The following FBN2 variants were observed in gnomAD, a reference collection of about 807,000 sequenced individuals.
FBN2 encodes fibrillin 2, also known as fibrillin-2.
A neutral mutation model predicts 355.6 loss-of-function variants in FBN2; 105 were observed. That is an observed-to-expected ratio of 0.30 (90% confidence interval 0.25 to 0.35). The LOEUF (loss-of-function observed/expected upper bound fraction) is 0.35, where lower values mean the gene tolerates loss of function less well. Among genes scored for constraint, FBN2 ranks in the 10% least tolerant of loss-of-function variants. FBN2 has a pLI of 1.00. For missense variants in FBN2, 3,280 were observed against 3,758.7 expected (o/e 0.87, Z 3.33); for synonymous variants, 1,350 against 1,301.2 (o/e 1.04, Z -0.81).
chr5:128,448,252 T>G (rs1411664802), intron 6 of FBN2, among the ~76,000 whole-genome samples: 1 of 151,906 alleles, frequency 6.6e-6, no homozygotes, highest in Non-Finnish European at 1.5e-5. Flanking sequence ...TGAAGACTCC[T>G]GCATTTCTTC....
chr5:128,433,735 G>C lies in FBN2; in HGVS notation c.952+12746C>G, dbSNP rs187091999. 3.7e-3 allele frequency among the ~76,000 whole-genome samples: 557 copies of C among 152,298 alleles called. 3 individuals are homozygous for C. The highest frequency in any genetic ancestry group is 0.014 in the South Asian group (70 of 4,828). On this transcript the variant is annotated intron_variant, in intron 7 of 64. Transcript: ENST00000262464. ...AATTTTCCTCTGCCGTTCACCAAAA[G>C]GCACAAACCTGCAACCCAACCCTTC...
Position 128,374,687 on chromosome 5 carries a change from G to A in FBN2, c.2036C>T (p.Ser679Phe), listed in dbSNP as rs760483684. The A allele has an allele frequency of 1.3e-5, 21 of 1,613,970 alleles. 1 individual carries two copies. Among genetic ancestry groups the A allele is most frequent in the Middle Eastern group, 1.7e-4 (1 of 6,060 alleles). Residue 679 changes from serine (S) to phenylalanine (F), a missense_variant, in exon 15 of 65, where the codon TCC becomes TTC. By Grantham distance (155) the Ser-to-Phe change is radical. Transcript: ENST00000262464. ...GCCTGGGGGACAGTCACAGCGGAAG[G>A]ACCCTTCACTGTTGATGCAGTGCCC... is the stretch of plus-strand genomic sequence containing the variant. Reference protein sequence around the residue: ...MNGHCINSEGSFRCDCPPGLA... With the variant: ...MNGHCINSEGFFRCDCPPGLA...
At chr5:128,263,114 G>A (rs576792428) in intron 63 of FBN2, among the ~76,000 whole-genome samples, 10 of 152,294 alleles carry the variant, frequency 6.6e-5, no homozygotes, top group South Asian at 4.1e-4. Context: ...CGTGTGAGCC[G>A]CATTTTTAAG....
At chr5:128,472,126 G>C (rs559176780) in intron 5 of FBN2, among the ~76,000 whole-genome samples, 1 of 152,306 alleles carries the variant, frequency 6.6e-6, no homozygotes, top group African/African-American at 2.4e-5. Flanking sequence ...TCCACTGACA[G>C]ATGAATAGAT....
In FBN2 at chr5:128,335,134, T is replaced by G. The variant is rs772412251; in HGVS notation, c.3973+36A>C. On this transcript the variant is annotated intron_variant, in intron 30 of 64. Transcript: ENST00000262464. ...GTGCATGTGGGTGTGTGTGCATGTG[T>G]GTGTATAAATGTTTATCCTTTCTTA... The G allele has an allele frequency of 1.4e-5, 22 of 1,613,538 alleles. No homozygotes were observed. In the East Asian group the frequency reaches 4.9e-4, roughly 36 times the overall value.
At position 128,278,839 on chromosome 5, in the gene FBN2, T is replaced by G; in HGVS notation, c.7141A>C (p.Asn2381His). The G allele has an allele frequency of 6.2e-7, 1 of 1,613,108 alleles. No homozygotes were observed. Among genetic ancestry groups the G allele is most frequent in the Non-Finnish European group, 8.5e-7 (1 of 1,179,598 alleles). Residue 2381 changes from asparagine to histidine, a missense_variant and splice_region_variant, in exon 57 of 65, where the codon AAT becomes CAT. Asn to His is a moderately conservative substitution (Grantham distance 68). Coordinates refer to ENST00000262464, the MANE Select transcript of FBN2 (RefSeq NM_001999.4). Reference sequence around the variant, plus strand: ...TCTGCAAAGCAGAGACCCTGTCGATTGTCTGAAATGGCAAAGTAGAAAGAG... The same window carrying G: ...TCTGCAAAGCAGAGACCCTGTCGATGGTCTGAAATGGCAAAGTAGAAAGAG... ...SSSSGTECLD[N>H]RQGLCFAEVL... is the part of the protein sequence containing the mutation.
chr5:128,291,040 C>T (rs572790152), intron 49 of FBN2, among the ~76,000 whole-genome samples, 156 bp from the exon 50 acceptor site: 4 of 152,062 alleles, frequency 2.6e-5, no homozygotes, highest in South Asian at 2.1e-4. Flanking sequence ...TTTAGACTGA[C>T]CTGGCTATAA....
chr5:128,368,437 C>CATATATATACATATATATACACAT (rs1215643724), intron 16 of FBN2, among the ~76,000 whole-genome samples: 1 of 97,726 alleles, frequency 1.0e-5, no homozygotes, highest in Non-Finnish European at 2.1e-5. Flanking sequence ...TATATATACA[C>CATATATATACATATATATACACAT]ATATATACAT....
chr5:128,315,335 C>T (rs1340255260), intron 36 of FBN2, among the ~76,000 whole-genome samples: 1 of 152,086 alleles, frequency 6.6e-6, no homozygotes, highest in Non-Finnish European at 1.5e-5. Context: ...CTGAATGCAA[C>T]TAATTGCTTA....
chr5:128,416,783 GT>G (rs1461147510), intron 7 of FBN2, among the ~76,000 whole-genome samples: 1 of 152,132 alleles, frequency 6.6e-6, no homozygotes, highest in Non-Finnish European at 1.5e-5. Flanking sequence ...GTATCATGCT[GT>G]TTTGGTTACT....
chr5:128,509,428 A>T (rs1017430801), intron 5 of FBN2, among the ~76,000 whole-genome samples: 1 of 152,166 alleles, frequency 6.6e-6, no homozygotes, highest in Non-Finnish European at 1.5e-5. Context: ...TAGAAGTTCA[A>T]TTTGGATTCC....
intron 7 of FBN2, among the ~76,000 whole-genome samples, chr5:128,444,961 C>A (rs1181493898): frequency 1.3e-5 from 2 of 151,984 alleles, no homozygotes; most frequent in Non-Finnish European, 2.9e-5. Context: ...TTGAGCAACA[C>A]AATCAACTTA....
intron 19 of FBN2, among the ~76,000 whole-genome samples, chr5:128,359,035 T>C (rs1416486360): frequency 6.6e-6 from 1 of 152,044 alleles, no homozygotes; most frequent in Non-Finnish European, 1.5e-5. Flanking sequence ...TGGTTTACAT[T>C]TAACTAGTTA....
At chr5:128,311,265 A>G (rs1234311482) in intron 39 of FBN2, 35 bp downstream of exon 39, 4 of 1,613,300 alleles carry the variant, frequency 2.5e-6, no homozygotes, top group Non-Finnish European at 3.4e-6. Flanking sequence ...TGTTTTAAAC[A>G]GCACTGAGCA....
chr5:128,354,690 G>C (rs1274317820), intron 20 of FBN2, among the ~76,000 whole-genome samples: 1 of 152,196 alleles, frequency 6.6e-6, no homozygotes, highest in Admixed American at 6.5e-5. Context: ...TTCATATACA[G>C]CTTGAGAAAA....
intron 9 of FBN2, 152 bp from the exon 10 acceptor site, chr5:128,393,520 C>A: frequency 1.5e-6 from 1 of 646,534 alleles, no homozygotes; most frequent in Non-Finnish European, 2.7e-6. Flanking sequence ...TTAATGCTGG[C>A]AGTAGCAAGA....
chr5:128,477,749 T>C (rs1171144693), intron 5 of FBN2, among the ~76,000 whole-genome samples: 1 of 152,126 alleles, frequency 6.6e-6, no homozygotes, highest in Non-Finnish European at 1.5e-5. Context: ...GACACCAAAA[T>C]CCATGCTCTT....
chr5:128,412,184 T>C (rs1039738278), intron 7 of FBN2, among the ~76,000 whole-genome samples: 2 of 152,224 alleles, frequency 1.3e-5, no homozygotes, highest in African/African-American at 4.8e-5. Context: ...AAAAATTTAA[T>C]AGCTGTCATA....
chr5:128,379,295 TTA>T (rs1015132521), intron 11 of FBN2, among the ~76,000 whole-genome samples: 23 of 152,228 alleles, frequency 1.5e-4, no homozygotes, highest in African/African-American at 5.1e-4. Context: ...AGATATATAT[TTA>T]TGTTACATGT....
Sources: allele counts gnomAD v4.1 joint callset (sites outside exome capture counted in the v4.1 genomes callset), GRCh38; gene constraint gnomAD v4.1.1; transcripts MANE v1.5; gene names NCBI Gene and HGNC (gene_info 2026-07-23, HGNC 2026-07-21).